BCAT1: variants seen among roughly 807,000 people sequenced by gnomAD.
BCAT1 encodes the protein branched-chain-amino-acid aminotransferase, cytosolic.
BCAT1 carries 48 observed loss-of-function variants against 52.4 expected under a neutral mutation model. That is an observed-to-expected ratio of 0.92 (90% CI 0.73 to 1.16). The LOEUF (loss-of-function observed/expected upper bound fraction) is 1.16. BCAT1 is among the 50% of genes most tolerant of loss of function. The probability of loss-of-function intolerance (pLI) is 0.00; values close to 1 mark genes in which losing one functional copy is unlikely to be tolerated. For missense variants in BCAT1, 451 were observed against 457.1 expected, an observed-to-expected ratio of 0.99 and a Z score of 0.12; for synonymous variants, 167 against 161.3, an observed-to-expected ratio of 1.04 and a Z score of -0.27.
intron 2 of BCAT1, among the ~76,000 whole-genome samples, chr12:24,899,123 A>G (rs1305929912): frequency 2.0e-5 from 3 of 152,208 alleles, no homozygotes; most frequent in Non-Finnish European, 4.4e-5. Context: ...GCAAATGAAG[A>G]GGATCCTAGA....
intron 10 of BCAT1, among the ~76,000 whole-genome samples, chr12:24,820,923 C>G (rs953518053): frequency 6.6e-6 from 1 of 152,160 alleles, no homozygotes; most frequent in African/African-American, 2.4e-5. Flanking sequence ...ATAGTCAGTG[C>G]TGCCTACCAG....
Position 24,814,655 on chromosome 12 carries a change from T to C in BCAT1, c.*3353A>G, listed in dbSNP as rs1376802549. 1 of 152,144 alleles carries C rather than the reference T, an allele frequency of 6.6e-6. No individual in the cohort carries two copies. The highest frequency in any genetic ancestry group is 1.5e-5 in the Non-Finnish European group (1 of 68,010). The allele number at this position is 152,144 out of a possible 1,614,324, so 9.4% of individuals were successfully genotyped here. A position where few individuals can be genotyped will look rare whatever the true frequency, so the allele number is the denominator to read the frequency against. ...AGACCACTTGCTTAGGTAAATTTTA[T>C]GAAGCAACAAAACTAATATGGTGAA... is the stretch of plus-strand genomic sequence containing the variant. On this transcript the variant is annotated 3_prime_UTR_variant, in exon 11 of 11. Transcript: ENST00000261192.
At chr12:24,891,098 G>A (rs1304872050) in intron 3 of BCAT1, among the ~76,000 whole-genome samples, 2 of 152,140 alleles carry the variant, frequency 1.3e-5, no homozygotes, top group Non-Finnish European at 2.9e-5. Context: ...GTAGTTTTGA[G>A]GCTAGGGCGT....
At chr12:24,861,291 C>A (rs1357338361) in intron 5 of BCAT1, among the ~76,000 whole-genome samples, 1 of 152,168 alleles carries the variant, frequency 6.6e-6, no homozygotes, top group Non-Finnish European at 1.5e-5. Context: ...AATTGGCTAG[C>A]AACCCCATAT....
At chr12:24,938,864 C>T (rs1393299300) in intron 1 of BCAT1, among the ~76,000 whole-genome samples, 2 of 150,154 alleles carry the variant, frequency 1.3e-5, no homozygotes, top group East Asian at 2.0e-4. Context: ...ATTGCCTTTG[C>T]TATTTATTTA....
In BCAT1 at chr12:24,928,868, T is replaced by C. The variant is rs1041014815; in HGVS notation, c.6+20059A>G. 3.3e-5 allele frequency among the ~76,000 whole-genome samples: 5 copies of C among 151,952 alleles called. No homozygotes were observed. The South Asian group carries it at 1.0e-3, about 32-fold the overall frequency. ...CTCCTGCCTCAGCTTCCCAAGTAGC[T>C]GGGATTACAGGCACGTGCACCATGC... On this transcript the variant is annotated intron_variant, in intron 1 of 10. Transcript: ENST00000261192.
At position 24,902,874 on chromosome 12, in the gene BCAT1, G is replaced by A. The variant is rs906806620; in HGVS notation, c.7-989C>T. The A allele has an allele frequency of 4.6e-6, 7 of 1,506,792 alleles. 1 individual carries two copies. The Admixed American group carries it at 1.4e-4, about 31-fold the overall frequency. 93.3% of individuals were successfully genotyped at this position (1,506,792 alleles called of 1,614,324 possible). A position where few individuals can be genotyped will look rare whatever the true frequency, so the allele number is the denominator to read the frequency against. ...TGCAGGAAACGGCGACAAGGCGCCC[G>A]GCCAGGCCCGCGAGCTACCGAGACC... On this transcript the variant is annotated intron_variant, in intron 1 of 10. Coordinates refer to ENST00000261192, the MANE Select transcript of BCAT1 (RefSeq NM_005504.7).
In BCAT1 at chr12:24,813,059, C is replaced by G. The variant is rs769549167; in HGVS notation, c.*4949G>C. ...TTCAAATTTGTTCTTCTTTTTCTCC[C>G]CCATCACCCCCATTTCAATTTTTAA... is the stretch of plus-strand genomic sequence containing the variant. On this transcript the variant is annotated 3_prime_UTR_variant, in exon 11 of 11. Coordinates refer to ENST00000261192, the MANE Select transcript of BCAT1 (RefSeq NM_005504.7). 6.6e-6 allele frequency: 1 copy of G among 151,902 alleles called. No individual in the cohort carries two copies. Among genetic ancestry groups the G allele is most frequent in the African/African-American group, 2.4e-5 (1 of 41,410 alleles). The allele number at this position is 151,902 out of a possible 1,614,324, so 9.4% of individuals were successfully genotyped here. A position where few individuals can be genotyped will look rare whatever the true frequency, so the allele number is the denominator to read the frequency against.
Position 24,949,001 on chromosome 12 carries a change from C to G in BCAT1, c.-69G>C, listed in dbSNP as rs1943979986. On this transcript the variant is annotated 5_prime_UTR_variant, in exon 1 of 11. Transcript: ENST00000261192. ...GATCCCAAGGGTCGTAGCCCCTGGC[C>G]GTGTGGACCGGGTCTGCGGCTGCAG... is the stretch of plus-strand genomic sequence containing the variant. The G allele has an allele frequency of 6.5e-7, 1 of 1,533,926 alleles. No individual in the cohort carries two copies.
chr12:24,841,613 C>A (rs992372289), intron 7 of BCAT1, among the ~76,000 whole-genome samples: 1 of 152,072 alleles, frequency 6.6e-6, no homozygotes, highest in Non-Finnish European at 1.5e-5. Flanking sequence ...TTCTTTAAAT[C>A]GAAACTCGGC....
intron 2 of BCAT1, 25 bp downstream of exon 2, chr12:24,901,789 A>AGAG (rs1943109846): frequency 6.2e-7 from 1 of 1,609,746 alleles, no homozygotes. Flanking sequence ...TGCTTTAGAC[A>AGAG]CTAAGCCTCT....
intron 1 of BCAT1, among the ~76,000 whole-genome samples, chr12:24,916,538 T>A (rs1056846546): frequency 1.3e-5 from 2 of 152,230 alleles, no homozygotes; most frequent in Non-Finnish European, 2.9e-5. Context: ...TGCTTTTTGT[T>A]TTTTTGTTTG....
intron 9 of BCAT1, among the ~76,000 whole-genome samples, chr12:24,831,817 A>G (rs558371444): frequency 1.3e-5 from 2 of 152,376 alleles, no homozygotes; most frequent in East Asian, 1.9e-4. Flanking sequence ...TTAGATGCCA[A>G]TGTTAATCAT....
chr12:24,838,054 C>A (rs559268369), intron 7 of BCAT1, among the ~76,000 whole-genome samples: 2 of 152,230 alleles, frequency 1.3e-5, no homozygotes, highest in South Asian at 4.2e-4. Context: ...ACTTCTGACA[C>A]CCAGGAGTCT....
intron 1 of BCAT1, among the ~76,000 whole-genome samples, chr12:24,908,358 A>T (rs1252628154): frequency 6.6e-6 from 1 of 152,366 alleles, no homozygotes; most frequent in East Asian, 1.9e-4. Context: ...ACTAAGCCAC[A>T]TGTAGCTACT....
chr12:24,885,120 T>C (rs1942622212), intron 3 of BCAT1, among the ~76,000 whole-genome samples: 1 of 152,168 alleles, frequency 6.6e-6, no homozygotes, highest in African/African-American at 2.4e-5. Context: ...AGCTTGGAGA[T>C]GAAAAAATAT....
chr12:24,883,454 G>A (rs1349284941), intron 3 of BCAT1, among the ~76,000 whole-genome samples: 2 of 151,948 alleles, frequency 1.3e-5, no homozygotes, highest in Non-Finnish European at 2.9e-5. Flanking sequence ...CTAAAAATAG[G>A]GCTGAGTGAG....
chr12:24,882,354 G>A (rs1942528362), intron 3 of BCAT1, among the ~76,000 whole-genome samples: 1 of 151,898 alleles, frequency 6.6e-6, no homozygotes, highest in African/African-American at 2.4e-5. Context: ...TGAAAAGTAA[G>A]GCCTTTAAAG....
chr12:24,879,629 A>G (rs77526106), intron 4 of BCAT1, among the ~76,000 whole-genome samples: 3,886 of 152,312 alleles, frequency 0.026, 60 homozygotes, highest in East Asian at 0.053. Flanking sequence ...TGAACCCTGT[A>G]GCACCTGCCT....
Sources: allele counts gnomAD v4.1 joint callset (sites outside exome capture counted in the v4.1 genomes callset), GRCh38; gene constraint gnomAD v4.1.1; transcripts MANE v1.5; gene names NCBI Gene and HGNC (gene_info 2026-07-23, HGNC 2026-07-21).